SGCZ: variants seen among roughly 807,000 people sequenced by gnomAD.
SGCZ encodes sarcoglycan zeta.
In SGCZ, 40 loss-of-function variants were observed where a neutral mutation model predicts 41.3. The ratio of observed to expected loss-of-function variants is 0.97; its 90% CI spans 0.75 to 1.26. SGCZ has a LOEUF of 1.26. Ranked by LOEUF, SGCZ falls within the 50% of genes most tolerant of loss-of-function variation. The probability of loss-of-function intolerance (pLI) is 0.00; values close to 1 mark genes in which losing one functional copy is unlikely to be tolerated. For synonymous variants in SGCZ, 206 were observed against 137.5 expected (o/e 1.50, Z -3.49); for missense variants, 552 against 369.8 (o/e 1.49, Z -4.04).
intron 1 of SGCZ, among the ~76,000 whole-genome samples, chr8:14,860,122 C>G (rs1585325289): frequency 6.6e-6 from 1 of 151,888 alleles, no homozygotes; most frequent in Non-Finnish European, 1.5e-5. Flanking sequence ...GGCTGTGGTA[C>G]ACATACAGAA....
chr8:14,978,427 C>T (rs528533495), intron 1 of SGCZ, among the ~76,000 whole-genome samples: 2 of 125,072 alleles, frequency 1.6e-5, no homozygotes, highest in African/African-American at 6.1e-5. Context: ...GCCAAGATCG[C>T]GGCATTGCAC....
intron 1 of SGCZ, among the ~76,000 whole-genome samples, chr8:14,621,239 A>T (rs1806274652): frequency 7.1e-6 from 1 of 140,146 alleles, no homozygotes. Context: ...TTGAACAATG[A>T]GAACACTTGG....
At chr8:14,784,171 C>A (rs1800679398) in intron 1 of SGCZ, among the ~76,000 whole-genome samples, 1 of 151,848 alleles carries the variant, frequency 6.6e-6, no homozygotes, top group Non-Finnish European at 1.5e-5. Flanking sequence ...TTCTCTCAGC[C>A]TCCCTAGTAG....
chr8:14,437,388 A>T (rs1206820103), intron 2 of SGCZ, among the ~76,000 whole-genome samples: 3 of 152,196 alleles, frequency 2.0e-5, no homozygotes, highest in African/African-American at 7.2e-5. Context: ...TCCTTTTCCA[A>T]CTTTCTTCAA....
chr8:15,205,701 T>C (rs957031197), intron 1 of SGCZ, among the ~76,000 whole-genome samples: 2 of 152,182 alleles, frequency 1.3e-5, no homozygotes, highest in South Asian at 4.1e-4. Flanking sequence ...AAAAGCAGTA[T>C]GGCAATTACT....
At chr8:14,862,053 A>T (rs1392073263) in intron 1 of SGCZ, among the ~76,000 whole-genome samples, 3 of 152,160 alleles carry the variant, frequency 2.0e-5, no homozygotes. Flanking sequence ...TTAAAAAATG[A>T]TGAAGACAAA....
chr8:14,455,918 A>C (rs972625590), intron 2 of SGCZ, among the ~76,000 whole-genome samples: 2 of 152,242 alleles, frequency 1.3e-5, no homozygotes, highest in Admixed American at 1.3e-4. Context: ...TTCAATTTAC[A>C]TGAAATGTTC....
intron 2 of SGCZ, among the ~76,000 whole-genome samples, chr8:14,378,506 G>T (rs1804227141): frequency 6.6e-6 from 1 of 152,006 alleles, no homozygotes; most frequent in South Asian, 2.1e-4. Flanking sequence ...TACAAAATGG[G>T]GGAAAATTTT....
chr8:14,606,846 T>C (rs977455847), intron 1 of SGCZ, among the ~76,000 whole-genome samples: 14 of 152,174 alleles, frequency 9.2e-5, no homozygotes, highest in Admixed American at 7.9e-4. Context: ...TAGTGGCTTT[T>C]TGTTTGATTC....
At chr8:14,942,339 C>T (rs1446547091) in intron 1 of SGCZ, among the ~76,000 whole-genome samples, 1 of 152,038 alleles carries the variant, frequency 6.6e-6, no homozygotes, top group Non-Finnish European at 1.5e-5. Context: ...GAAATAAGGC[C>T]AACTGTTCTT....
intron 1 of SGCZ, among the ~76,000 whole-genome samples, chr8:14,729,471 A>G (rs1481647603): frequency 6.6e-6 from 1 of 152,214 alleles, no homozygotes; most frequent in Non-Finnish European, 1.5e-5. Flanking sequence ...GTGAGGACTT[A>G]TTTCAACACG....
At chr8:14,335,244 T>A (rs551356329) in intron 2 of SGCZ, among the ~76,000 whole-genome samples, 1 of 152,264 alleles carries the variant, frequency 6.6e-6, no homozygotes, top group East Asian at 1.9e-4. Flanking sequence ...AGTTTTAGTG[T>A]CTGAAGATCC....
In SGCZ at chr8:15,097,818, G is replaced by GTGTATATATATATA. The variant is rs1563123852; in HGVS notation, c.39+139766_39+139767insTATATATATATACA. Among the ~76,000 whole-genome samples, 39 of 37,604 alleles carry GTGTATATATATATA rather than the reference G, an allele frequency of 1.0e-3. 1 individual carries two copies. The highest frequency in any genetic ancestry group is 0.013 in the Middle Eastern group (1 of 80). 24.7% of individuals were successfully genotyped at this position (37,604 alleles called of 152,430 possible). ...TATACGTGTATATATATATATACGT[G>GTGTATATATATATA]TGTGTATATATATATACGTGTGTGT... is the stretch of plus-strand genomic sequence containing the variant. On this transcript the variant is annotated intron_variant, in intron 1 of 7. Transcript: ENST00000382080.
rs143085372 is a variant in SGCZ at position 15,129,003 on chromosome 8, C to T, written c.39+108582G>A. ...CCTGTAAAAGAAAATCTGTCTTTTG[C>T]TCAACTTTTGAGACCTACCAGATCT... On this transcript the variant is annotated intron_variant, in intron 1 of 7. Coordinates refer to ENST00000382080, the MANE Select transcript of SGCZ (RefSeq NM_139167.4). Among the ~76,000 whole-genome samples, 294 of 152,302 alleles carry T rather than the reference C, an allele frequency of 1.9e-3. 1 individual carries two copies. The highest frequency in any genetic ancestry group is 7.0e-3 in the African/African-American group (289 of 41,560).
At chr8:14,539,511 TTTTG>T (rs891061938) in intron 2 of SGCZ, among the ~76,000 whole-genome samples, 6 of 151,970 alleles carry the variant, frequency 3.9e-5, no homozygotes, top group East Asian at 1.9e-4. Context: ...GCAACTGTTT[TTTTG>T]TTTGTTTGTT....
intron 1 of SGCZ, among the ~76,000 whole-genome samples, chr8:15,103,653 A>G (rs1027095487): frequency 6.6e-6 from 1 of 152,150 alleles, no homozygotes; most frequent in Non-Finnish European, 1.5e-5. Context: ...CACAATCTTC[A>G]TACTCAACAG....
At chr8:14,895,439 A>G (rs541159608) in intron 1 of SGCZ, among the ~76,000 whole-genome samples, 9 of 151,940 alleles carry the variant, frequency 5.9e-5, no homozygotes, top group Non-Finnish European at 8.8e-5. Context: ...TAACATTTCT[A>G]CTCTCCTGGA....
chr8:14,881,383 T>C (rs1392922547), intron 1 of SGCZ, among the ~76,000 whole-genome samples: 1 of 152,144 alleles, frequency 6.6e-6, no homozygotes, highest in African/African-American at 2.4e-5. Flanking sequence ...ATACACCATG[T>C]CGGTGGTTGA....
At chr8:14,155,299 GT>G (rs199924575) in intron 5 of SGCZ, among the ~76,000 whole-genome samples, 1,736 of 151,984 alleles carry the variant, frequency 0.011, 13 homozygotes, top group Non-Finnish European at 0.017. Context: ...TAATATAGAA[GT>G]TTTTTTTCTT....
Sources: gnomAD v4.1 joint callset for allele counts (sites outside exome capture counted in the v4.1 genomes callset) on GRCh38, gnomAD v4.1.1 for gene constraint, MANE v1.5 for transcripts, NCBI Gene and HGNC (gene_info 2026-07-23, HGNC 2026-07-21) for gene names.